Variants in LRIF1 observed in about 807,000 individuals in gnomAD.
LRIF1 encodes ligand-dependent nuclear receptor-interacting factor 1.
Under a neutral mutation model 52.7 loss-of-function variants are expected in LRIF1, and 32 were observed. The ratio of observed to expected loss-of-function variants is 0.61; its 90% CI spans 0.46 to 0.82. The LOEUF (loss-of-function observed/expected upper bound fraction) is 0.82, where lower values mean the gene tolerates loss of function less well. Ranked by LOEUF, LRIF1 falls within the 40% of genes least tolerant of loss-of-function variation. LRIF1 has a pLI of 0.00. For missense variants in LRIF1, 887 were observed against 892.0 expected (o/e 0.99, Z 0.07); for synonymous variants, 323 against 317.4 (o/e 1.02, Z -0.19).
At chr1:110,957,439 C>T (rs532420989) in intron 1 of LRIF1, among the ~76,000 whole-genome samples, 145 of 125,050 alleles carry the variant, frequency 1.2e-3, no homozygotes, top group Non-Finnish European at 2.1e-3. Context: ...CCACTGCACT[C>T]CAGCCTGGGC....
the LRIF1 span, among the ~76,000 whole-genome samples, chr1:110,926,589 T>C: frequency 6.6e-6 from 1 of 152,034 alleles, no homozygotes; most frequent in Non-Finnish European, 1.5e-5. Context: ...AAGAAAATAT[T>C]AGAGTTTAAA....
downstream of LRIF1, among the ~76,000 whole-genome samples, chr1:110,946,549 C>T (rs980397788): frequency 1.3e-5 from 2 of 150,944 alleles, no homozygotes; most frequent in African/African-American, 2.4e-5. Flanking sequence ...TCTAGCTGAT[C>T]TGTGTATTTC....
chr1:110,924,031 A>C, the LRIF1 span, among the ~76,000 whole-genome samples: 1 of 152,170 alleles, frequency 6.6e-6, no homozygotes, highest in South Asian at 2.1e-4. Flanking sequence ...TACAAATACA[A>C]AGAATGAAAA....
At chr1:110,906,267 C>G in the LRIF1 span, among the ~76,000 whole-genome samples, 7 of 152,166 alleles carry the variant, frequency 4.6e-5, no homozygotes, top group Admixed American at 4.6e-4. Flanking sequence ...AAAGAGACAA[C>G]AGACATGGTG....
At chr1:110,914,658 C>A in the LRIF1 span, among the ~76,000 whole-genome samples, 2 of 152,040 alleles carry the variant, frequency 1.3e-5, no homozygotes, top group Non-Finnish European at 2.9e-5. Flanking sequence ...GAGGCTGAGG[C>A]AGGAGAATCA....
At chr1:110,883,018 CT>C in the LRIF1 span, among the ~76,000 whole-genome samples, 209 of 151,902 alleles carry the variant, frequency 1.4e-3, 2 homozygotes, top group African/African-American at 4.7e-3. Context: ...GCCAGTTTTA[CT>C]TTTTTTTCTT....
At chr1:110,885,647 G>A in the LRIF1 span, among the ~76,000 whole-genome samples, 5 of 152,100 alleles carry the variant, frequency 3.3e-5, no homozygotes, top group African/African-American at 7.2e-5. Flanking sequence ...CAGATCACCT[G>A]AGGTCAGGAG....
At chr1:110,921,216 A>T in the LRIF1 span, among the ~76,000 whole-genome samples, 1 of 152,134 alleles carries the variant, frequency 6.6e-6, no homozygotes, top group Non-Finnish European at 1.5e-5. Context: ...TAATTAAGTT[A>T]CGAATTTGGT....
chr1:110,914,044 T>C, the LRIF1 span, among the ~76,000 whole-genome samples: 3 of 152,154 alleles, frequency 2.0e-5, no homozygotes, highest in East Asian at 3.8e-4. Flanking sequence ...CTTAGGATAA[T>C]GCAGAAACAG....
chr1:110,925,437 G>GCATAAA, the LRIF1 span, among the ~76,000 whole-genome samples: 1 of 151,726 alleles, frequency 6.6e-6, no homozygotes, highest in African/African-American at 2.4e-5. Flanking sequence ...CTTCACACGC[G>GCATAAA]CATACACATA....
chr1:110,922,685 CA>C, the LRIF1 span, among the ~76,000 whole-genome samples: 1 of 152,204 alleles, frequency 6.6e-6, no homozygotes, highest in African/African-American at 2.4e-5. Context: ...GCTACTGTAA[CA>C]AATTACCACA....
At chr1:110,895,040 C>G in the LRIF1 span, 1 of 1,612,648 alleles carries the variant, frequency 6.2e-7, no homozygotes, top group South Asian at 1.1e-5. Context: ...CAGCGTGGGA[C>G]TCCATCCAGT....
At chr1:110,921,190 A>T in the LRIF1 span, among the ~76,000 whole-genome samples, 1 of 152,218 alleles carries the variant, frequency 6.6e-6, no homozygotes, top group Non-Finnish European at 1.5e-5. Flanking sequence ...ATCATCTGGT[A>T]GGTGAGTAAA....
chr1:110,962,247 C>T lies in LRIF1; in HGVS notation c.68+1374G>A, dbSNP rs533708153. 1.2e-4 allele frequency among the ~76,000 whole-genome samples: 18 copies of T among 152,084 alleles called. No homozygotes were observed. The East Asian group carries it at 3.3e-3, about 28-fold the overall frequency. On this transcript the variant is annotated intron_variant, in intron 1 of 3. Transcript: ENST00000369763. Reference sequence around the variant, plus strand: ...CATTTAAAAAGTAATTCTACTTTCTCATATGTACACAGGGCACTCTCTGCC... The same window carrying T: ...CATTTAAAAAGTAATTCTACTTTCTTATATGTACACAGGGCACTCTCTGCC...
chr1:110,951,325 G>C lies in LRIF1; in HGVS notation c.1559C>G (p.Thr520Ser). 6.2e-7 allele frequency: 1 copy of C among 1,614,064 alleles called. No individual in the cohort carries two copies. The highest frequency in any genetic ancestry group is 8.5e-7 in the Non-Finnish European group (1 of 1,179,952). The part of the protein sequence containing the change: ...ISSSVDATTV[T>S]SQQCVFRDQE... The stretch of plus-strand genomic sequence containing the variant: ...GTCTCTGAAAACACACTGTTGTGAA[G>C]TAACAGTTGTTGCATCAACAGAGGA... Residue 520 changes from threonine to serine, a missense_variant, in exon 2 of 4, where the codon ACT becomes AGT. By Grantham distance (58) the Thr-to-Ser change is moderately conservative. Coordinates refer to ENST00000369763, the MANE Select transcript of LRIF1 (RefSeq NM_018372.4).
chr1:110,909,459 C>G, the LRIF1 span, among the ~76,000 whole-genome samples: 2 of 151,872 alleles, frequency 1.3e-5, no homozygotes, highest in African/African-American at 4.8e-5. Context: ...CAAGACCCAA[C>G]TCTATACTGT....
chr1:110,933,660 G>C, the LRIF1 span, among the ~76,000 whole-genome samples: 1 of 152,140 alleles, frequency 6.6e-6, no homozygotes, highest in East Asian at 1.9e-4. Context: ...AGCCAGAGGG[G>C]AATCACCCAT....
the LRIF1 span, among the ~76,000 whole-genome samples, chr1:110,876,483 C>A: frequency 6.6e-6 from 1 of 152,070 alleles, no homozygotes; most frequent in South Asian, 2.1e-4. Flanking sequence ...TTTTCCAAAC[C>A]TTTTTGTTTG....
Position 110,950,039 on chromosome 1 carries a change from CCTT to C in LRIF1, c.1678_1680del (p.Lys560del). 1 of 1,613,948 alleles carries C rather than the reference CCTT, an allele frequency of 6.2e-7. No homozygotes were observed. Among genetic ancestry groups the C allele is most frequent in the Non-Finnish European group, 8.5e-7 (1 of 1,179,884 alleles). ...TCAGCATCACTCTTCAGATGTAATG[CCTT>C]ATTACTTCTTCCTTGAGAATCTTTC... On this transcript the variant is annotated inframe_deletion, in exon 3 of 4. Transcript: ENST00000369763.
Sources: gnomAD v4.1 joint callset for allele counts (sites outside exome capture counted in the v4.1 genomes callset) on GRCh38, gnomAD v4.1.1 for gene constraint, MANE v1.5 for transcripts, NCBI Gene and HGNC (gene_info 2026-07-23, HGNC 2026-07-21) for gene names.